Variants in MAP3K7 observed in about 807,000 individuals in gnomAD.
MAP3K7 encodes TGF-beta activated kinase 1.
A neutral mutation model predicts 84.8 loss-of-function variants in MAP3K7; 21 were observed. The observed-to-expected ratio is 0.25, with a 90% CI of 0.18 to 0.36. The LOEUF is 0.36. MAP3K7 is among the 10% of genes least tolerant of loss of function. The pLI is 1.00. For synonymous variants in MAP3K7, 241 were observed against 247.7 expected (o/e 0.97, Z 0.25); for missense variants, 503 against 747.7 (o/e 0.67, Z 3.82).
chr6:90,544,746 A>G (rs780262952), intron 11 of MAP3K7, 114 bp from the exon 12 acceptor site: 31 of 859,692 alleles, frequency 3.6e-5, no homozygotes, highest in Non-Finnish European at 5.8e-5. Context: ...ATAACATTTC[A>G]TGCAGAATGG....
chr6:90,528,993 G>A (rs565764516), intron 13 of MAP3K7, among the ~76,000 whole-genome samples: 1 of 152,196 alleles, frequency 6.6e-6, no homozygotes, highest in Non-Finnish European at 1.5e-5. Flanking sequence ...GTAAGGCCCA[G>A]CTCAGGTTTT....
Position 90,556,639 on chromosome 6 carries a change from A to AC in MAP3K7, c.483-16dup. On this transcript the variant is annotated splice_polypyrimidine_tract_variant and intron_variant, in intron 5 of 16. Coordinates refer to ENST00000369329, the MANE Select transcript of MAP3K7 (RefSeq NM_145331.3). ...CCAGCAGTAAGCTGTTTAAAAAAAA[A>AC]CAAAAAACATCAAAAGTTACAAGGC... 2 of 1,574,770 alleles carry AC rather than the reference A, an allele frequency of 1.3e-6. No homozygotes were observed. The highest frequency in any genetic ancestry group is 1.7e-6 in the Non-Finnish European group (2 of 1,167,788).
intron 13 of MAP3K7, among the ~76,000 whole-genome samples, chr6:90,533,257 G>A (rs902680930): frequency 3.9e-5 from 6 of 152,278 alleles, no homozygotes; most frequent in African/African-American, 7.2e-5. Flanking sequence ...AGGTCCTTGC[G>A]GAATAGGCTT....
intron 11 of MAP3K7, among the ~76,000 whole-genome samples, chr6:90,547,038 C>T (rs1776023325): frequency 1.3e-5 from 2 of 152,116 alleles, no homozygotes; most frequent in African/African-American, 4.8e-5. Flanking sequence ...GGAAGGCATA[C>T]TTTCTCATCC....
chr6:90,518,414 T>C (rs1409550072), intron 16 of MAP3K7, 33 bp downstream of exon 16: 2 of 1,105,550 alleles, frequency 1.8e-6, no homozygotes, highest in African/African-American at 1.6e-5. Context: ...AATACTAATG[T>C]ATTTTTATTT....
intron 13 of MAP3K7, among the ~76,000 whole-genome samples, chr6:90,524,640 A>C (rs812606): frequency 6.6e-6 from 1 of 152,012 alleles, no homozygotes; most frequent in East Asian, 1.9e-4. Flanking sequence ...TTCTTACCAC[A>C]TAAGTTTTTC....
intron 11 of MAP3K7, 107 bp downstream of exon 11, chr6:90,547,151 T>TA (rs537925431): frequency 5.6e-4 from 673 of 1,211,188 alleles, no homozygotes; most frequent in Non-Finnish European, 6.2e-4. Flanking sequence ...ACTTCCTATT[T>TA]AAAAAAAAAT....
intron 6 of MAP3K7, among the ~76,000 whole-genome samples, chr6:90,556,183 G>C (rs562816094): frequency 6.6e-6 from 1 of 152,362 alleles, no homozygotes; most frequent in East Asian, 1.9e-4. Flanking sequence ...TGAAAGCACT[G>C]TCTGCAAATA....
intron 9 of MAP3K7, among the ~76,000 whole-genome samples, chr6:90,548,598 TTA>T (rs1420078001): frequency 3.3e-5 from 5 of 152,070 alleles, no homozygotes; most frequent in Non-Finnish European, 7.4e-5. Flanking sequence ...ATGGAAAACA[TTA>T]TGAGCCAACA....
rs1253861804 is a variant in MAP3K7, at chr6:90,515,863, A to C, written c.*638T>G. 3.3e-5 allele frequency: 5 copies of C among 152,386 alleles called. No individual in the cohort carries two copies. Among genetic ancestry groups the C allele is most frequent in the Non-Finnish European group, 5.9e-5 (4 of 67,940 alleles). The allele number at this position is 152,386 out of a possible 1,614,324, so 9.4% of individuals were successfully genotyped here. A position where few individuals can be genotyped will look rare whatever the true frequency, so the allele number is the denominator to read the frequency against. On this transcript the variant is annotated 3_prime_UTR_variant, in exon 17 of 17. Coordinates refer to ENST00000369329, the MANE Select transcript of MAP3K7 (RefSeq NM_145331.3). ...TCACAATCAAATTTTAGTCTAACAAAATCCGGTAAAACTGCTTTCATTAAA... is the reference window on the plus strand; with the variant it reads ...TCACAATCAAATTTTAGTCTAACAACATCCGGTAAAACTGCTTTCATTAAA...
At chr6:90,586,528 A>G (rs1331787661) in intron 1 of MAP3K7, among the ~76,000 whole-genome samples, 2 of 152,180 alleles carry the variant, frequency 1.3e-5, no homozygotes. Context: ...TCACCGGAAT[A>G]TCAAATCCAA....
chr6:90,586,378 C>CAAAAAAAAAAAAAAAAA (rs71027942), intron 1 of MAP3K7, among the ~76,000 whole-genome samples: 1 of 78,578 alleles, frequency 1.3e-5, no homozygotes, highest in African/African-American at 5.2e-5. Flanking sequence ...GACTCCGTCT[C>CAAAAAAAAAAAAAAAAA]AAAAAAAAAA....
At chr6:90,522,031 AT>A (rs1775168306) in intron 14 of MAP3K7, among the ~76,000 whole-genome samples, 1 of 152,166 alleles carries the variant, frequency 6.6e-6, no homozygotes, top group African/African-American at 2.4e-5. Flanking sequence ...GGTTATCAAT[AT>A]TTTTCTTACA....
Position 90,587,057 on chromosome 6 carries a change from C to T in MAP3K7, c.-174G>A. ...CCACAGCCGTGTCCGGCTCTGGCTC[C>T]GCTGCGTTTTCCGCCGACGGGCCCC... On this transcript the variant is annotated 5_prime_UTR_variant, in exon 1 of 17. Coordinates refer to ENST00000369329, the MANE Select transcript of MAP3K7 (RefSeq NM_145331.3). 2.7e-6 allele frequency: 2 copies of T among 731,196 alleles called. No homozygotes were observed. Among genetic ancestry groups the T allele is most frequent in the East Asian group, 3.5e-5 (1 of 28,346 alleles). The allele number at this position is 731,196 out of a possible 1,614,324, so 45.3% of individuals were successfully genotyped here. A position where few individuals can be genotyped will look rare whatever the true frequency, so the allele number is the denominator to read the frequency against.
In MAP3K7 at chr6:90,516,583, C is replaced by T; in HGVS notation, c.1739G>A (p.Ser580Asn). 1.2e-6 allele frequency: 2 copies of T among 1,612,698 alleles called. No homozygotes were observed. Among genetic ancestry groups the T allele is most frequent in the Non-Finnish European group, 1.7e-6 (2 of 1,179,108 alleles). Residue 580 changes from serine (S) to asparagine (N), a missense_variant, in exon 17 of 17, where the codon AGC becomes AAC. By Grantham distance (46) the Ser-to-Asn change is conservative (BLOSUM62 1). Around this residue, in one of 5 missense-constraint regions of MAP3K7, gnomAD observed 43 missense variants for 47.3 expected, o/e 0.91. Coordinates refer to ENST00000369329, the MANE Select transcript of MAP3K7 (RefSeq NM_145331.3). ...GCATTGCTGGTAGTAAGTAGAAAGGCTTTTGTTTTCATCTAAAAGCTTTTT... is the reference window on the plus strand; with the variant it reads ...GCATTGCTGGTAGTAAGTAGAAAGGTTTTTGTTTTCATCTAAAAGCTTTTT... ...EHKKLLDENK[S>N]LSTYYQQCKK... is the part of the protein sequence containing the mutation.
chr6:90,567,728 AT>A (rs1266421999), intron 3 of MAP3K7, among the ~76,000 whole-genome samples: 4 of 152,208 alleles, frequency 2.6e-5, no homozygotes, highest in Non-Finnish European at 5.9e-5. Context: ...TACCCAAAGG[AT>A]TATAAATCAT....
intron 3 of MAP3K7, among the ~76,000 whole-genome samples, 190 bp downstream of exon 3, chr6:90,568,368 A>G (rs551633253): frequency 2.6e-4 from 40 of 152,290 alleles, no homozygotes; most frequent in African/African-American, 9.4e-4. Flanking sequence ...ATGTACTCAT[A>G]TAGTCCTTGA....
chr6:90,561,827 T>C (rs1001341611), intron 3 of MAP3K7, among the ~76,000 whole-genome samples, 160 bp from the exon 4 acceptor site: 11 of 152,186 alleles, frequency 7.2e-5, no homozygotes, highest in African/African-American at 2.7e-4. Flanking sequence ...AAGGTATCTA[T>C]GACCTAAGAC....
chr6:90,583,545 C>T (rs1230443037), intron 1 of MAP3K7, among the ~76,000 whole-genome samples: 1 of 152,200 alleles, frequency 6.6e-6, no homozygotes, highest in African/African-American at 2.4e-5. Flanking sequence ...CATGATCAGT[C>T]TTTAAAGAAC....
Sources: allele counts gnomAD v4.1 joint callset (sites outside exome capture counted in the v4.1 genomes callset), GRCh38; gene constraint gnomAD v4.1.1; regional missense constraint gnomAD v4.1.1; transcripts MANE v1.5; gene names NCBI Gene and HGNC (gene_info 2026-07-23, HGNC 2026-07-21).